Variants in TACC2 observed in about 807,000 individuals in gnomAD.
TACC2 encodes transforming acidic coiled-coil-containing protein 2.
In TACC2, 137 loss-of-function variants were observed where a neutral mutation model predicts 227.3. The ratio of observed to expected loss-of-function variants is 0.60; its 90% CI spans 0.52 to 0.69. The LOEUF (loss-of-function observed/expected upper bound fraction) is 0.69. Ranked by LOEUF, TACC2 falls within the 30% of genes least tolerant of loss-of-function variation. The probability of loss-of-function intolerance (pLI) is 0.00; values close to 1 mark genes in which losing one functional copy is unlikely to be tolerated. For synonymous variants in TACC2, 1,523 were observed against 1,487.5 expected (o/e 1.02, Z -0.55); for missense variants, 3,470 against 3,694.4 (o/e 0.94, Z 1.57).
intron 8 of TACC2, among the ~76,000 whole-genome samples, chr10:122,207,325 G>C (rs2095148600): frequency 6.6e-6 from 1 of 152,074 alleles, no homozygotes; most frequent in Non-Finnish European, 1.5e-5. Flanking sequence ...TAGGCGAGCA[G>C]GGAGGACTTC....
At chr10:122,147,063 A>G (rs1224090795) in intron 7 of TACC2, among the ~76,000 whole-genome samples, 2 of 152,280 alleles carry the variant, frequency 1.3e-5, no homozygotes, top group Admixed American at 6.5e-5. Context: ...TCAAGGGTAC[A>G]TACCATCGAC....
At chr10:122,016,268 A>G (rs1956609228) in intron 1 of TACC2, among the ~76,000 whole-genome samples, 1 of 95,406 alleles carries the variant, frequency 1.0e-5, no homozygotes, top group Non-Finnish European at 2.1e-5. Context: ...TCTGAAAAAA[A>G]AAAGGAAAAA....
chr10:122,210,485 C>T lies in TACC2; in HGVS notation c.6060C>T (p.Phe2020=), dbSNP rs1389808854. 2 of 1,613,996 alleles carry T rather than the reference C, an allele frequency of 1.2e-6. No homozygotes were observed. Among genetic ancestry groups the T allele is most frequent in the African/African-American group, 1.3e-5 (1 of 74,928 alleles). ...CCTTCCGTCCCCCGTCACACTCCTT[C>T]TCTGCCGTCTTCGATGAAGACAAGC... ...GSPFRPPSHS[F]SAVFDEDKPI... Residue 2020 remains phenylalanine (F), a synonymous_variant, in exon 9 of 23, where the codon TTC becomes TTT. Transcript: ENST00000369005. The surrounding 1 kb of genome is among the most constrained non-coding windows in gnomAD (Gnocchi z 4.6).
rs1459941910 is a variant in TACC2 at position 122,141,096 on chromosome 10, G to A, written c.5700-2476G>A. The stretch of plus-strand genomic sequence containing the variant: ...GCAGGAAGGGGTGATGAGGGGCATG[G>A]GAATGAGAGAACTGGAAGTCAGTGC... On this transcript the variant is annotated intron_variant, in intron 6 of 22. Transcript: ENST00000369005. The surrounding 1 kb of genome is among the most constrained non-coding windows in gnomAD (Gnocchi z 4.3). 6.6e-6 allele frequency among the ~76,000 whole-genome samples: 1 copy of A among 152,174 alleles called. No homozygotes were observed. Among genetic ancestry groups the A allele is most frequent in the Non-Finnish European group, 1.5e-5 (1 of 68,038 alleles).
At chr10:122,240,615 C>T (rs2095968783) in intron 18 of TACC2, among the ~76,000 whole-genome samples, 1 of 152,194 alleles carries the variant, frequency 6.6e-6, no homozygotes, top group African/African-American at 2.4e-5. Context: ...CTCAGGGTCA[C>T]ACAGCTGGGA....
intron 2 of TACC2, among the ~76,000 whole-genome samples, chr10:122,026,694 C>A (rs1958074508): frequency 6.6e-6 from 1 of 152,144 alleles, no homozygotes; most frequent in Non-Finnish European, 1.5e-5. Context: ...GGGTTTTTGC[C>A]TTTTCCAGAA....
chr10:122,055,776 T>C (rs1211337138), intron 3 of TACC2, among the ~76,000 whole-genome samples: 1 of 152,250 alleles, frequency 6.6e-6, no homozygotes, highest in Admixed American at 6.5e-5. Context: ...GTGGGAATTT[T>C]GGTATTACGA....
At chr10:122,191,976 G>A in intron 7 of TACC2, among the ~76,000 whole-genome samples, 1 of 152,282 alleles carries the variant, frequency 6.6e-6, no homozygotes, top group East Asian at 1.9e-4. Flanking sequence ...CTCGTTGGGG[G>A]TGGACTGCCG....
chr10:122,136,284 CG>C (rs1383836077), intron 6 of TACC2, among the ~76,000 whole-genome samples: 1 of 152,002 alleles, frequency 6.6e-6, no homozygotes, highest in Non-Finnish European at 1.5e-5. Flanking sequence ...AGAAACTAAG[CG>C]GGCGTCCTAG....
chr10:122,177,473 G>T (rs1376830164), intron 7 of TACC2, among the ~76,000 whole-genome samples: 1 of 152,124 alleles, frequency 6.6e-6, no homozygotes, highest in African/African-American at 2.4e-5. Context: ...GGAGGCTGAG[G>T]CAGGAGGGTC....
At chr10:122,152,985 A>ATATT (rs1328900056) in intron 7 of TACC2, among the ~76,000 whole-genome samples, 2 of 84,470 alleles carry the variant, frequency 2.4e-5, no homozygotes, top group Non-Finnish European at 2.8e-5. Context: ...CTTTTGATAT[A>ATATT]TATTTCTTTC....
At chr10:122,048,277 C>T (rs1270685098) in intron 2 of TACC2, among the ~76,000 whole-genome samples, 1 of 152,158 alleles carries the variant, frequency 6.6e-6, no homozygotes, top group Non-Finnish European at 1.5e-5. Flanking sequence ...TACCTACTAT[C>T]TTCCTGGGGT....
At chr10:122,103,348 A>C (rs900698001) in intron 5 of TACC2, among the ~76,000 whole-genome samples, 25 of 152,258 alleles carry the variant, frequency 1.6e-4, no homozygotes, top group African/African-American at 5.8e-4. Flanking sequence ...TGAGTTCACC[A>C]CTCAAAGCCT....
chr10:121,995,149 C>T (rs1953277389), intron 1 of TACC2, among the ~76,000 whole-genome samples: 1 of 152,170 alleles, frequency 6.6e-6, no homozygotes, highest in African/African-American at 2.4e-5. Context: ...ATTGTGTTGA[C>T]CTTGACATGT....
chr10:122,252,789 G>C (rs919048638), intron 22 of TACC2, among the ~76,000 whole-genome samples: 1 of 152,084 alleles, frequency 6.6e-6, no homozygotes, highest in Non-Finnish European at 1.5e-5. Flanking sequence ...CACCACGCCC[G>C]GCCAATAATA....
intron 2 of TACC2, chr10:122,033,277 C>T (rs1959184362): frequency 2.0e-6 from 1 of 511,754 alleles, no homozygotes; most frequent in Non-Finnish European, 3.4e-6. Flanking sequence ...CTCCCTCTTC[C>T]ATTGCTTCTT....
At chr10:122,094,964 G>T (rs1222994463) in intron 5 of TACC2, among the ~76,000 whole-genome samples, 1 of 152,234 alleles carries the variant, frequency 6.6e-6, no homozygotes, top group Non-Finnish European at 1.5e-5. Flanking sequence ...TTTGAGAGAT[G>T]AATATTTTAC....
At chr10:122,064,688 G>A (rs1270222337) in intron 3 of TACC2, among the ~76,000 whole-genome samples, 1 of 152,102 alleles carries the variant, frequency 6.6e-6, no homozygotes, top group Non-Finnish European at 1.5e-5. Context: ...TCATGTATCC[G>A]TCATTATGAT....
chr10:122,230,229 G>A (rs2095710136), intron 15 of TACC2, 122 bp from the exon 16 acceptor site: 1 of 770,410 alleles, frequency 1.3e-6, no homozygotes. Context: ...GGCGGAGCGC[G>A]TGTTTTTCCC....
Sources: allele counts gnomAD v4.1 joint callset (sites outside exome capture counted in the v4.1 genomes callset), GRCh38; gene constraint gnomAD v4.1.1; non-coding constraint Gnocchi (gnomAD v3.1); transcripts MANE v1.5; gene names NCBI Gene and HGNC (gene_info 2026-07-23, HGNC 2026-07-21).